RTN4: variants seen among roughly 807,000 people sequenced by gnomAD.
RTN4 encodes reticulon-4.
RTN4 carries 32 observed loss-of-function variants against 90.4 expected under a neutral mutation model. The ratio of observed to expected loss-of-function variants is 0.35; its 90% CI spans 0.27 to 0.48. RTN4 has a LOEUF of 0.48. Ranked by LOEUF, RTN4 falls within the 20% of genes least tolerant of loss-of-function variation. RTN4 has a pLI of 0.99. For synonymous variants in RTN4, 629 were observed against 552.5 expected, an observed-to-expected ratio of 1.14 and a Z score of -1.94; for missense variants, 1,706 against 1,430.2, an observed-to-expected ratio of 1.19 and a Z score of -3.11.
chr2:55,119,180 C>T, the RTN4 span, among the ~76,000 whole-genome samples: 9 of 152,260 alleles, frequency 5.9e-5, no homozygotes, highest in South Asian at 1.2e-3. Flanking sequence ...TCCCTAAAAG[C>T]GCCCTGACCT....
intron 3 of RTN4, among the ~76,000 whole-genome samples, chr2:55,016,904 C>G (rs1338515253): frequency 6.6e-6 from 1 of 152,194 alleles, no homozygotes; most frequent in Non-Finnish European, 1.5e-5. Flanking sequence ...GAACTCAGGT[C>G]TGTAAAATGC....
chr2:55,132,747 G>A, the RTN4 span, among the ~76,000 whole-genome samples: 1 of 149,522 alleles, frequency 6.7e-6, no homozygotes, highest in Non-Finnish European at 1.5e-5. Flanking sequence ...ATGGGAGGTG[G>A]AGGCTACAGT....
At chr2:54,976,221 A>C (rs2104608852) in intron 5 of RTN4, among the ~76,000 whole-genome samples, 2 of 152,328 alleles carry the variant, frequency 1.3e-5, no homozygotes, top group East Asian at 3.9e-4. Context: ...ATAACTCCTC[A>C]TTTGGTCATT....
chr2:55,119,966 C>G, the RTN4 span, among the ~76,000 whole-genome samples: 1 of 152,222 alleles, frequency 6.6e-6, no homozygotes, highest in African/African-American at 2.4e-5. Flanking sequence ...CCCAGAACAC[C>G]TCTCCATTTG....
Position 55,025,295 on chromosome 2 carries a change from G to A in RTN4, c.2804C>T (p.Ser935Leu), listed in dbSNP as rs764186458. Reference sequence around the variant, plus strand: ...AGACCCATTTTTAGAAAAGTCATCTGAGAAACTGATTTTCTCTTCAACTTT... The same window carrying A: ...AGACCCATTTTTAGAAAAGTCATCTAAGAAACTGATTTTCTCTTCAACTTT... ...QPKVEEKISF[S>L]DDFSKNGSAT... is the part of the protein sequence containing the mutation. The change falls in exon 3 of 9, where the codon TCA (serine) becomes TTA (leucine). Residue 935 changes from serine (S) to leucine (L), a missense_variant. Coordinates refer to ENST00000337526, the MANE Select transcript of RTN4 (RefSeq NM_020532.5). 6.2e-7 allele frequency: 1 copy of A among 1,613,764 alleles called. No individual in the cohort carries two copies. Among genetic ancestry groups the A allele is most frequent in the African/African-American group, 1.3e-5 (1 of 74,896 alleles).
intron 2 of RTN4, among the ~76,000 whole-genome samples, chr2:55,071,732 G>C (rs1011251754): frequency 2.0e-5 from 3 of 152,084 alleles, no homozygotes; most frequent in Non-Finnish European, 4.4e-5. Flanking sequence ...CAGTGCCTGT[G>C]GTTGTCAAAA....
At chr2:55,085,429 A>G (rs1013943780) in intron 1 of RTN4, among the ~76,000 whole-genome samples, 2 of 152,194 alleles carry the variant, frequency 1.3e-5, no homozygotes, top group Non-Finnish European at 2.9e-5. Context: ...CCTGGAGAGG[A>G]GTGGGTGTTG....
At chr2:55,068,318 C>T (rs1269912539) in intron 2 of RTN4, among the ~76,000 whole-genome samples, 1 of 152,058 alleles carries the variant, frequency 6.6e-6, no homozygotes, top group Non-Finnish European at 1.5e-5. Flanking sequence ...CATCTAGTAA[C>T]ATCATATTGA....
the RTN4 span, among the ~76,000 whole-genome samples, chr2:55,125,015 G>A: frequency 2.9e-3 from 438 of 152,176 alleles, no homozygotes; most frequent in African/African-American, 0.01. Context: ...AGCCATATGC[G>A]GAAGATTGAA....
chr2:55,133,105 G>C, the RTN4 span, among the ~76,000 whole-genome samples: 16 of 151,976 alleles, frequency 1.1e-4, no homozygotes, highest in Admixed American at 8.5e-4. Context: ...CAGCTACCTG[G>C]GAGGCTGAAG....
At chr2:55,118,413 T>C in the RTN4 span, among the ~76,000 whole-genome samples, 1 of 151,838 alleles carries the variant, frequency 6.6e-6, no homozygotes, top group Non-Finnish European at 1.5e-5. Context: ...TGCAGCGAGC[T>C]GTGTTCACAC....
chr2:55,083,481 A>G lies in RTN4; in HGVS notation c.-213-2842T>C, dbSNP rs1322341389. On this transcript the variant is annotated intron_variant, in intron 1 of 3. Coordinates refer to the RTN4 transcript ENST00000427710. ...ACTGCACTTCCGGCCTGGACAACAA[A>G]GCGAGACTCCGTCTCAAAGAAGAAA... Among the ~76,000 whole-genome samples the G allele has an allele frequency of 2.0e-5, 3 of 152,142 alleles. No individual in the cohort carries two copies. The East Asian group carries it at 5.8e-4, about 29-fold the overall frequency.
intron 4 of RTN4, among the ~76,000 whole-genome samples, chr2:54,986,723 C>T (rs984159646): frequency 3.3e-5 from 5 of 152,032 alleles, no homozygotes; most frequent in Non-Finnish European, 5.9e-5. Context: ...TAGTCGTTGT[C>T]GGGCGTTGGT....
intron 3 of RTN4, among the ~76,000 whole-genome samples, chr2:55,000,421 G>T (rs1679771056): frequency 6.6e-6 from 1 of 152,136 alleles, no homozygotes; most frequent in South Asian, 2.1e-4. Context: ...ACAGTGCTTT[G>T]GCGAATTTGA....
chr2:54,993,341 C>A (rs368405951), intron 3 of RTN4, among the ~76,000 whole-genome samples: 6 of 152,052 alleles, frequency 3.9e-5, no homozygotes, highest in African/African-American at 1.4e-4. Flanking sequence ...AGTAGGCTTT[C>A]CTATTGGAAA....
intron 3 of RTN4, among the ~76,000 whole-genome samples, chr2:55,002,743 T>C (rs188449546): frequency 3.2e-4 from 48 of 152,316 alleles, no homozygotes; most frequent in African/African-American, 9.6e-4. Flanking sequence ...TTTAAGTATG[T>C]TGGATATACA....
chr2:54,974,077 G>A, intron 6 of RTN4: 1 of 491,292 alleles, frequency 2.0e-6, no homozygotes, highest in Non-Finnish European at 3.6e-6. Context: ...ATTAGAGCTA[G>A]GAACCATTTC....
intron 1 of RTN4, among the ~76,000 whole-genome samples, chr2:55,089,287 A>G (rs548101347): frequency 6.6e-6 from 1 of 152,272 alleles, no homozygotes; most frequent in East Asian, 1.9e-4. Flanking sequence ...GTAATCTATA[A>G]TTAACTTGAG....
At position 55,050,351 on chromosome 2, in the gene RTN4, G is replaced by A. The variant is rs1437433975; in HGVS notation, c.-51C>T. On this transcript the variant is annotated 5_prime_UTR_variant, in exon 1 of 9. Transcript: ENST00000337526. This position sits in a 1 kb window ranked among gnomAD's most constrained non-coding sequence, Gnocchi z 4.6. ...AGCTGCTGCCGCCGCCGCCGGGGCCGCGTCTCAGAGCCGCGGGCGGTTGTG... is the reference window on the plus strand; with the variant it reads ...AGCTGCTGCCGCCGCCGCCGGGGCCACGTCTCAGAGCCGCGGGCGGTTGTG... The A allele has an allele frequency of 4.8e-6, 6 of 1,238,680 alleles. No individual in the cohort carries two copies. The South Asian group carries it at 9.7e-5, about 20-fold the overall frequency. 76.7% of individuals were successfully genotyped at this position (1,238,680 alleles called of 1,614,324 possible).
Sources: gnomAD v4.1 joint callset for allele counts (sites outside exome capture counted in the v4.1 genomes callset) on GRCh38, gnomAD v4.1.1 for gene constraint, Gnocchi (gnomAD v3.1) non-coding constraint, MANE v1.5 for transcripts, NCBI Gene and HGNC (gene_info 2026-07-23, HGNC 2026-07-21) for gene names.